Variants in CAPRIN2 observed in about 807,000 individuals in gnomAD.
The protein encoded by CAPRIN2 is caprin-2.
A neutral mutation model predicts 130.4 loss-of-function variants in CAPRIN2; 66 were observed. The ratio of observed to expected loss-of-function variants is 0.51; its 90% CI spans 0.42 to 0.62. CAPRIN2 has a LOEUF of 0.62. Among genes scored for constraint, CAPRIN2 ranks in the 20% least tolerant of loss-of-function variants. The pLI is 0.00. For missense variants in CAPRIN2, 1,185 were observed against 1,246.6 expected (o/e 0.95, Z 0.74); for synonymous variants, 471 against 444.1 (o/e 1.06, Z -0.76).
rs371701445 is a variant in CAPRIN2 at position 30,753,772 on chromosome 12, T to G, written c.-9A>C. On this transcript the variant is annotated 5_prime_UTR_variant, in exon 1 of 17. Coordinates refer to ENST00000298892, the Ensembl canonical transcript of CAPRIN2. ...GATACTTGTACTTCCATCCTACTTTTAAAGTAATTAGTGCCGCTAGCCAAT... is the reference window on the plus strand; with the variant it reads ...GATACTTGTACTTCCATCCTACTTTGAAAGTAATTAGTGCCGCTAGCCAAT... 8.2e-6 allele frequency: 13 copies of G among 1,594,086 alleles called. No individual in the cohort carries two copies. The African/African-American group carries it at 1.7e-4, about 21-fold the overall frequency.
chr12:30,745,416 A>G (rs1253459943), intron 2 of CAPRIN2, among the ~76,000 whole-genome samples: 8 of 152,196 alleles, frequency 5.3e-5, no homozygotes, highest in Non-Finnish European at 1.0e-4. Context: ...ATTTGAAAAG[A>G]GAAACCTATG....
intron 15 of CAPRIN2, 21 bp downstream of exon 17, chr12:30,713,764 A>C (rs763358747): frequency 7.4e-7 from 1 of 1,352,200 alleles, no homozygotes; most frequent in South Asian, 1.2e-5. Context: ...CTATTCAACT[A>C]TGACAACTAT....
At chr12:30,736,225 A>G (rs766690207) in intron 3 of CAPRIN2, among the ~76,000 whole-genome samples, 11 of 152,226 alleles carry the variant, frequency 7.2e-5, no homozygotes, top group Non-Finnish European at 1.3e-4. Context: ...GCTTAGAACT[A>G]TAATACCTTA....
At chr12:30,739,710 G>C (rs1249549507) in intron 3 of CAPRIN2, among the ~76,000 whole-genome samples, 3 of 136,968 alleles carry the variant, frequency 2.2e-5, no homozygotes, top group South Asian at 4.5e-4. Context: ...GCAAGACTCC[G>C]TCTCAAAAAA....
At chr12:30,713,809 A>G (rs1296710154) in exon 15 of CAPRIN2, 1 of 1,607,558 alleles carries the variant, frequency 6.2e-7, no homozygotes, top group Non-Finnish European at 8.5e-7. Context: ...GTGCTCCAGA[A>G]TACTCTCTAG....
At chr12:30,739,714 CAA>C (rs370274976) in intron 3 of CAPRIN2, among the ~76,000 whole-genome samples, 14 of 113,674 alleles carry the variant, frequency 1.2e-4, no homozygotes, top group Admixed American at 9.6e-5. Context: ...GACTCCGTCT[CAA>C]AAAAAAAAAA....
chr12:30,713,194 T>G (rs2055881843), intron 15 of CAPRIN2, among the ~76,000 whole-genome samples: 1 of 152,192 alleles, frequency 6.6e-6, no homozygotes, highest in South Asian at 2.1e-4. Flanking sequence ...AAACTGAATA[T>G]GCTGATGTAT....
chr12:30,710,310 C>T lies in CAPRIN2; in HGVS notation c.2826G>A (p.Leu942=). The T allele has an allele frequency of 1.2e-6, 2 of 1,614,176 alleles. No homozygotes were observed. The highest frequency in any genetic ancestry group is 1.7e-6 in the Non-Finnish European group (2 of 1,180,030). ...AGAAGGCAACTCGCATCTGCTGAGG[C>T]AGAGGGTAGACGTGTACTGGCAGTA... The change falls in exon 17 of 17, where the codon CTG becomes CTA. Residue 942 remains leucine (L), a synonymous_variant. Transcript: ENST00000298892. The surrounding 1 kb of genome is among the most constrained non-coding windows in gnomAD (Gnocchi z 4.8).
At chr12:30,741,708 A>C (rs1405806392) in intron 2 of CAPRIN2, among the ~76,000 whole-genome samples, 1 of 152,168 alleles carries the variant, frequency 6.6e-6, no homozygotes, top group Non-Finnish European at 1.5e-5. Flanking sequence ...GAAAGGACCA[A>C]TCTGAAACAG....
intron 2 of CAPRIN2, among the ~76,000 whole-genome samples, chr12:30,748,805 A>G (rs539101512): frequency 6.6e-6 from 1 of 152,288 alleles, no homozygotes; most frequent in South Asian, 2.1e-4. Flanking sequence ...ATACTTAGTA[A>G]ATCTATATGT....
At chr12:30,741,136 TTG>T in intron 2 of CAPRIN2, 30 bp from the exon 4 acceptor site, 1 of 1,320,066 alleles carries the variant, frequency 7.6e-7, no homozygotes, top group Non-Finnish European at 1.1e-6. Context: ...AACATAAATT[TTG>T]TGACTGTTTA....
Position 30,710,721 on chromosome 12 carries a change from C to T in CAPRIN2, c.2666-251G>A, listed in dbSNP as rs1195915447. On this transcript the variant is annotated intron_variant, in intron 16 of 16. Transcript: ENST00000298892. This position sits in a 1 kb window ranked among gnomAD's most constrained non-coding sequence, Gnocchi z 4.8. ...TTTTTTAAGATTAAGAAAATGTGGC[C>T]CCCAAAAGGCCAGATAACTTAGCAA... 6.6e-6 allele frequency among the ~76,000 whole-genome samples: 1 copy of T among 151,984 alleles called. No individual in the cohort carries two copies. Among genetic ancestry groups the T allele is most frequent in the East Asian group, 1.9e-4 (1 of 5,184 alleles).
At chr12:30,740,829 CCCTT>C (rs2139051046) in intron 3 of CAPRIN2, among the ~76,000 whole-genome samples, 187 bp downstream of exon 4, 1 of 152,286 alleles carries the variant, frequency 6.6e-6, no homozygotes, top group African/African-American at 2.4e-5. Flanking sequence ...TTTGTGTTCT[CCCTT>C]GAGACTACAG....
intron 12 of CAPRIN2, chr12:30,719,450 A>G: frequency 1.9e-6 from 1 of 516,492 alleles, no homozygotes; most frequent in East Asian, 3.1e-5. Context: ...AGTCTTACCA[A>G]TAATCAGTCT....
At chr12:30,735,888 C>T (rs2064516371) in intron 3 of CAPRIN2, among the ~76,000 whole-genome samples, 1 of 152,144 alleles carries the variant, frequency 6.6e-6, no homozygotes, top group Non-Finnish European at 1.5e-5. Flanking sequence ...CACCTGTAAT[C>T]CCAGCCCTTT....
chr12:30,724,918 C>T (rs1364494749), intron 9 of CAPRIN2, among the ~76,000 whole-genome samples: 1 of 152,122 alleles, frequency 6.6e-6, no homozygotes, highest in Non-Finnish European at 1.5e-5. Context: ...CGCTTGAGCC[C>T]AGGAATTCGA....
At chr12:30,724,099 C>T (rs2060195963) in intron 10 of CAPRIN2, among the ~76,000 whole-genome samples, 1 of 152,188 alleles carries the variant, frequency 6.6e-6, no homozygotes, top group African/African-American at 2.4e-5. Flanking sequence ...GAATTCACTC[C>T]ACCAACAACA....
intron 2 of CAPRIN2, among the ~76,000 whole-genome samples, chr12:30,742,182 T>A (rs578090046): frequency 6.6e-6 from 1 of 152,222 alleles, no homozygotes; most frequent in South Asian, 2.1e-4. Context: ...ACTCTACAAA[T>A]TTACTATAAA....
intron 2 of CAPRIN2, among the ~76,000 whole-genome samples, chr12:30,742,307 T>C (rs114238797): frequency 2.0e-5 from 3 of 152,268 alleles, no homozygotes; most frequent in African/African-American, 2.4e-5. Context: ...TAGGAACTCC[T>C]ATGTAATAAT....
Sources: allele counts gnomAD v4.1 joint callset (sites outside exome capture counted in the v4.1 genomes callset), GRCh38; gene constraint gnomAD v4.1.1; non-coding constraint Gnocchi (gnomAD v3.1); transcripts MANE v1.5; gene names NCBI Gene and HGNC (gene_info 2026-07-23, HGNC 2026-07-21).